The following LIFR variants were observed in gnomAD, a reference collection of about 807,000 sequenced individuals.
LIFR encodes LIF receptor subunit alpha, also known as leukemia inhibitory factor receptor.
A neutral mutation model predicts 122.2 loss-of-function variants in LIFR; 84 were observed. The ratio of observed to expected loss-of-function variants is 0.69; its 90% CI spans 0.58 to 0.82. The LOEUF is 0.82. Ranked by LOEUF, LIFR falls within the 40% of genes least tolerant of loss-of-function variation. The pLI is 0.00. For synonymous variants in LIFR, 422 were observed against 434.7 expected (o/e 0.97, Z 0.36); for missense variants, 1,294 against 1,311.6 (o/e 0.99, Z 0.21).
chr5:38,509,709 T>TA (rs750692905), intron 7 of LIFR, among the ~76,000 whole-genome samples: 1 of 152,170 alleles, frequency 6.6e-6, no homozygotes, highest in Non-Finnish European at 1.5e-5. Context: ...GACTCACTGA[T>TA]AAAGATGAAG....
intron 9 of LIFR, among the ~76,000 whole-genome samples, chr5:38,504,470 G>A (rs1226700458): frequency 6.7e-6 from 1 of 149,270 alleles, no homozygotes; most frequent in African/African-American, 2.5e-5. Context: ...GAATATAAAT[G>A]CCAAGTTCTA....
intron 2 of LIFR, among the ~76,000 whole-genome samples, chr5:38,604,207 C>G (rs189329325): frequency 6.6e-6 from 1 of 152,162 alleles, no homozygotes; most frequent in Non-Finnish European, 1.5e-5. Context: ...CTGGGCAGAA[C>G]TTTTCTTCGC....
chr5:38,495,243 C>T (rs1744815636), intron 13 of LIFR, among the ~76,000 whole-genome samples: 1 of 152,162 alleles, frequency 6.6e-6, no homozygotes, highest in Admixed American at 6.5e-5. Context: ...ATTATGTTTC[C>T]TGAATTAAAA....
intron 1 of LIFR, among the ~76,000 whole-genome samples, chr5:38,568,478 G>A (rs1429479527): frequency 6.6e-6 from 1 of 152,122 alleles, no homozygotes; most frequent in Admixed American, 6.5e-5. Context: ...CAATTAGGTG[G>A]GATGTTGTAG....
chr5:38,569,673 G>A (rs929740175), intron 1 of LIFR, among the ~76,000 whole-genome samples: 2 of 152,220 alleles, frequency 1.3e-5, no homozygotes, highest in South Asian at 2.1e-4. Flanking sequence ...TTTGGGGACC[G>A]CTGCCCTACT....
In LIFR at chr5:38,481,418, T is replaced by G; in HGVS notation, c.*177A>C. ...ATTGAGGATTCTGAGTCACTATACT[T>G]TGGCTTTTAGACTACATTAAAAGCA... On this transcript the variant is annotated 3_prime_UTR_variant, in exon 20 of 20. Coordinates refer to ENST00000453190, the MANE Select transcript of LIFR (RefSeq NM_001127671.2). 1.4e-6 allele frequency: 1 copy of G among 691,230 alleles called. No homozygotes were observed. Among genetic ancestry groups the G allele is most frequent in the Non-Finnish European group, 2.5e-6 (1 of 402,338 alleles). 42.8% of individuals were successfully genotyped at this position (691,230 alleles called of 1,614,324 possible).
intron 5 of LIFR, among the ~76,000 whole-genome samples, chr5:38,519,913 T>C (rs1009643073): frequency 8.5e-5 from 13 of 152,222 alleles, no homozygotes; most frequent in Admixed American, 1.3e-4. Context: ...CTATTGTGAA[T>C]AGTGGCATGA....
intron 9 of LIFR, 54 bp downstream of exon 9, chr5:38,505,851 G>C (rs1745444936): frequency 2.5e-6 from 3 of 1,210,066 alleles, no homozygotes; most frequent in East Asian, 2.4e-5. Context: ...TTTCATTAAA[G>C]CATTTCACCA....
chr5:38,494,834 G>A (rs1373687188), intron 13 of LIFR, among the ~76,000 whole-genome samples: 2 of 152,128 alleles, frequency 1.3e-5, no homozygotes, highest in Middle Eastern at 3.2e-3. Flanking sequence ...TCACCCACAG[G>A]CTACAGAGAG....
At chr5:38,492,008 T>C (rs1744619372) in intron 14 of LIFR, among the ~76,000 whole-genome samples, 1 of 152,070 alleles carries the variant, frequency 6.6e-6, no homozygotes, top group South Asian at 2.1e-4. Flanking sequence ...TGTGCTAAGG[T>C]CAAAAAAGAG....
chr5:38,543,383 A>T (rs757887762), intron 1 of LIFR, among the ~76,000 whole-genome samples: 3 of 152,232 alleles, frequency 2.0e-5, no homozygotes, highest in Non-Finnish European at 4.4e-5. Context: ...CGTAAGGAGC[A>T]AAGCCAGAAT....
intron 16 of LIFR, 32 bp downstream of exon 16, chr5:38,489,042 TAAGA>T (rs1422759075): frequency 6.3e-7 from 1 of 1,584,764 alleles, no homozygotes; most frequent in Non-Finnish European, 8.7e-7. Flanking sequence ...GAGAAACTTC[TAAGA>T]AACACTTTCC....
At chr5:38,553,654 A>G (rs1271642631) in intron 1 of LIFR, among the ~76,000 whole-genome samples, 1 of 104,158 alleles carries the variant, frequency 9.6e-6, no homozygotes, top group East Asian at 4.8e-4. Context: ...ATATATATAT[A>G]TATATATATA....
chr5:38,536,732 C>T (rs752348670), intron 1 of LIFR, among the ~76,000 whole-genome samples: 4 of 152,174 alleles, frequency 2.6e-5, no homozygotes, highest in Admixed American at 6.5e-5. Context: ...CAAAACACGA[C>T]GGGCACTGTG....
chr5:38,489,318 T>C, intron 15 of LIFR, 73 bp from the exon 16 acceptor site: 1 of 1,139,348 alleles, frequency 8.8e-7, no homozygotes, highest in African/African-American at 1.5e-5. Context: ...TTTCCTGAGC[T>C]TTCTAGCCTC....
At chr5:38,556,017 G>A (rs189305957) in intron 1 of LIFR, among the ~76,000 whole-genome samples, 1 of 152,324 alleles carries the variant, frequency 6.6e-6, no homozygotes, top group Admixed American at 6.5e-5. Context: ...GAAATCACCT[G>A]GCAGGTCACC....
chr5:38,589,539 A>G (rs931453797), intron 1 of LIFR, among the ~76,000 whole-genome samples: 2 of 152,226 alleles, frequency 1.3e-5, no homozygotes, highest in African/African-American at 4.8e-5. Flanking sequence ...ATGCTATAAA[A>G]TTCAAATCTA....
At chr5:38,488,352 G>A (rs903900789) in intron 16 of LIFR, among the ~76,000 whole-genome samples, 3 of 152,166 alleles carry the variant, frequency 2.0e-5, no homozygotes, top group East Asian at 1.9e-4. Flanking sequence ...TCTCAGACAG[G>A]CATTAAATAA....
chr5:38,485,772 C>A (rs1744250026), intron 17 of LIFR, 47 bp downstream of exon 17: 2 of 1,601,630 alleles, frequency 1.2e-6, no homozygotes, highest in Non-Finnish European at 1.7e-6. Context: ...CACTAGAACA[C>A]TACGCATGCA....
Sources: gnomAD v4.1 joint callset for allele counts (sites outside exome capture counted in the v4.1 genomes callset) on GRCh38, gnomAD v4.1.1 for gene constraint, MANE v1.5 for transcripts, NCBI Gene and HGNC (gene_info 2026-07-23, HGNC 2026-07-21) for gene names.